The following CSMD1 variants were observed in gnomAD, a reference collection of about 807,000 sequenced individuals.
CSMD1 encodes the protein CUB and Sushi multiple domains 1.
A neutral mutation model predicts 417.5 loss-of-function variants in CSMD1; 213 were observed. That is an observed-to-expected ratio of 0.51 (90% CI 0.46 to 0.57). The LOEUF is 0.57. Ranked by LOEUF, CSMD1 falls within the 20% of genes least tolerant of loss-of-function variation. The pLI is 0.00. For synonymous variants in CSMD1, 2,862 were observed against 1,736.8 expected, an observed-to-expected ratio of 1.65 and a Z score of -16.11; for missense variants, 6,923 against 4,529.7, an observed-to-expected ratio of 1.53 and a Z score of -15.17.
intron 2 of CSMD1, among the ~76,000 whole-genome samples, chr8:4,610,233 C>A (rs572488090): frequency 6.6e-6 from 1 of 152,122 alleles, no homozygotes; most frequent in Non-Finnish European, 1.5e-5. Flanking sequence ...GAAAGAGAGA[C>A]TAAATCCTTC....
At chr8:4,971,880 C>A (rs1810261125) in intron 1 of CSMD1, among the ~76,000 whole-genome samples, 2 of 152,036 alleles carry the variant, frequency 1.3e-5, no homozygotes, top group East Asian at 1.9e-4. Flanking sequence ...CCCCTTTTAG[C>A]TCAGAAATAG....
At chr8:3,775,566 T>C (rs1798849206) in intron 5 of CSMD1, among the ~76,000 whole-genome samples, 1 of 152,196 alleles carries the variant, frequency 6.6e-6, no homozygotes, top group Non-Finnish European at 1.5e-5. Context: ...CAACTTCAAA[T>C]GATCTCCAGT....
At chr8:4,441,544 T>C (rs964654841) in intron 2 of CSMD1, among the ~76,000 whole-genome samples, 23 of 152,136 alleles carry the variant, frequency 1.5e-4, no homozygotes, top group African/African-American at 3.9e-4. Context: ...GTGCAAAACA[T>C]AGAAGCACAT....
At position 3,939,876 on chromosome 8, in the gene CSMD1, G is replaced by A. The variant is rs565755158; in HGVS notation, c.818+58027C>T. 3.9e-5 allele frequency among the ~76,000 whole-genome samples: 6 copies of A among 152,056 alleles called. 1 individual carries two copies. The highest frequency in any genetic ancestry group is 3.9e-4 in the East Asian group (2 of 5,168). ...GGGTATTGGGAGAAGGGTAGGAAGC[G>A]GGTGAGGGAATGAAAGACTACATAT... On this transcript the variant is annotated intron_variant, in intron 5 of 69. Coordinates refer to ENST00000635120, the MANE Select transcript of CSMD1 (RefSeq NM_033225.6).
intron 10 of CSMD1, among the ~76,000 whole-genome samples, chr8:3,494,624 AGATGACAGACT>A (rs1436017698): frequency 2.0e-5 from 3 of 152,046 alleles, no homozygotes; most frequent in African/African-American, 7.2e-5. Context: ...GATAGTAGAT[AGATGACAGACT>A]GGATGGATGG....
At chr8:4,297,181 A>G (rs1797733498) in intron 3 of CSMD1, among the ~76,000 whole-genome samples, 5 of 152,128 alleles carry the variant, frequency 3.3e-5, no homozygotes, top group Admixed American at 3.3e-4. Context: ...TACTTTTACA[A>G]TCTAGAAATG....
intron 3 of CSMD1, among the ~76,000 whole-genome samples, chr8:4,355,205 T>C (rs1335016520): frequency 6.6e-6 from 1 of 151,932 alleles, no homozygotes; most frequent in Non-Finnish European, 1.5e-5. Context: ...GAGCTTGCAA[T>C]GATCCGAGAT....
At chr8:4,365,072 T>C (rs571668242) in intron 3 of CSMD1, among the ~76,000 whole-genome samples, 1 of 152,214 alleles carries the variant, frequency 6.6e-6, no homozygotes, top group African/African-American at 2.4e-5. Flanking sequence ...TATTCATCAG[T>C]TGTAATGGCA....
intron 6 of CSMD1, among the ~76,000 whole-genome samples, chr8:3,742,374 T>C (rs1424240058): frequency 5.9e-5 from 9 of 152,194 alleles, no homozygotes; most frequent in African/African-American, 2.2e-4. Flanking sequence ...CCCGAATATT[T>C]TTCAAGAACT....
chr8:3,429,226 G>A (rs1228731377), intron 12 of CSMD1, among the ~76,000 whole-genome samples: 1 of 152,186 alleles, frequency 6.6e-6, no homozygotes, highest in African/African-American at 2.4e-5. Flanking sequence ...CGTTGGAGAT[G>A]ATGCAAATGC....
At chr8:4,836,383 G>A (rs1013459484) in intron 1 of CSMD1, among the ~76,000 whole-genome samples, 2 of 152,166 alleles carry the variant, frequency 1.3e-5, no homozygotes, top group Admixed American at 6.6e-5. Flanking sequence ...CTTGCTGACT[G>A]ACACTGACGC....
intron 30 of CSMD1, among the ~76,000 whole-genome samples, chr8:3,213,146 A>C (rs1381303945): frequency 6.6e-6 from 1 of 152,054 alleles, no homozygotes; most frequent in East Asian, 1.9e-4. Context: ...TAATATTTAA[A>C]ATGTTTATTT....
intron 11 of CSMD1, among the ~76,000 whole-genome samples, chr8:3,475,340 C>G (rs1489954217): frequency 6.6e-6 from 1 of 152,136 alleles, no homozygotes; most frequent in Non-Finnish European, 1.5e-5. Context: ...TAGTAAATAA[C>G]ATAAACATTT....
chr8:4,414,197 C>A (rs543076155), intron 3 of CSMD1, among the ~76,000 whole-genome samples: 2 of 152,198 alleles, frequency 1.3e-5, no homozygotes, highest in Non-Finnish European at 2.9e-5. Context: ...TTTCTAAATC[C>A]AGATCCACAG....
chr8:4,470,862 T>G (rs549931374), intron 2 of CSMD1, among the ~76,000 whole-genome samples: 15 of 152,354 alleles, frequency 9.8e-5, no homozygotes, highest in Admixed American at 9.8e-4. Flanking sequence ...TTTTGAGTTA[T>G]GTAAAACTGA....
chr8:3,666,628 G>C (rs1048185128), intron 7 of CSMD1, among the ~76,000 whole-genome samples: 1 of 152,110 alleles, frequency 6.6e-6, no homozygotes, highest in African/African-American at 2.4e-5. Flanking sequence ...GGACCCAGAG[G>C]GAGATAATTG....
At chr8:4,067,664 G>C (rs904685550) in intron 3 of CSMD1, among the ~76,000 whole-genome samples, 1 of 152,144 alleles carries the variant, frequency 6.6e-6, no homozygotes, top group African/African-American at 2.4e-5. Context: ...ATAAAATGCA[G>C]TCTCACCACC....
At chr8:4,510,390 TAAAAAAAAAAAAAA>T (rs34791623) in intron 2 of CSMD1, among the ~76,000 whole-genome samples, 18,295 of 55,180 alleles carry the variant, frequency 0.33, 1,764 homozygotes, top group Admixed American at 0.47. Flanking sequence ...GCATAATGCC[TAAAAAAAAAAAAAA>T]AAAAAAAAAA....
chr8:4,584,381 C>T (rs936468396), intron 2 of CSMD1, among the ~76,000 whole-genome samples: 2 of 152,048 alleles, frequency 1.3e-5, no homozygotes, highest in Admixed American at 6.6e-5. Context: ...CTTTCGCTTG[C>T]TATTCTGTCC....
Sources: gnomAD v4.1 joint callset for allele counts (sites outside exome capture counted in the v4.1 genomes callset) on GRCh38, gnomAD v4.1.1 for gene constraint, MANE v1.5 for transcripts, NCBI Gene and HGNC (gene_info 2026-07-23, HGNC 2026-07-21) for gene names.